PTPRT: variants seen among roughly 807,000 people sequenced by gnomAD.
PTPRT encodes the protein protein tyrosine phosphatase receptor type T.
In PTPRT, 56 loss-of-function variants were observed where a neutral mutation model predicts 176.8. The ratio of observed to expected loss-of-function variants is 0.32; its 90% CI spans 0.26 to 0.40. PTPRT has a LOEUF of 0.40. PTPRT is among the 10% of genes least tolerant of loss of function. PTPRT has a pLI of 1.00. For missense variants in PTPRT, 1,540 were observed against 1,908.2 expected (o/e 0.81, Z 3.60); for synonymous variants, 783 against 739.0 (o/e 1.06, Z -0.96).
rs77078037 is a variant in PTPRT at position 42,561,362 on chromosome 20, G to A, written c.1154-88800C>T. On this transcript the variant is annotated intron_variant, in intron 7 of 30. Coordinates refer to ENST00000373187, the MANE Select transcript of PTPRT (RefSeq NM_007050.6). ...CGGGACTCTAGAAGGCAGCAGGGAG[G>A]TGTGTTGGGTCTGAGTTGTTTCTGG... is the stretch of plus-strand genomic sequence containing the variant. 1.5e-4 allele frequency among the ~76,000 whole-genome samples: 23 copies of A among 152,318 alleles called. No individual in the cohort carries two copies. In the East Asian group the frequency reaches 4.3e-3, roughly 28 times the overall value.
chr20:42,298,773 T>C (rs1347256380), intron 12 of PTPRT, among the ~76,000 whole-genome samples: 2 of 151,992 alleles, frequency 1.3e-5, no homozygotes, highest in Non-Finnish European at 2.9e-5. Context: ...ATACAAAAAT[T>C]AGCTGGGCAT....
chr20:42,042,005 G>A, the PTPRT span, among the ~76,000 whole-genome samples: 1 of 152,120 alleles, frequency 6.6e-6, no homozygotes, highest in Non-Finnish European at 1.5e-5. Context: ...TTAGTGTCAA[G>A]CCTCATAGGC....
chr20:42,634,393 A>G lies in PTPRT; in HGVS notation c.1153+43473T>C, dbSNP rs536532696. Among the ~76,000 whole-genome samples the G allele has an allele frequency of 1.1e-4, 17 of 151,264 alleles. 1 individual carries two copies. In the South Asian group the frequency reaches 3.5e-3, roughly 31 times the overall value. Reference sequence around the variant, plus strand: ...GCTCCATGATAGAGATGACAGAGCTATAAGATGAAAGCAGCCCAAATCCCT... The same window carrying G: ...GCTCCATGATAGAGATGACAGAGCTGTAAGATGAAAGCAGCCCAAATCCCT... On this transcript the variant is annotated intron_variant, in intron 7 of 30. Coordinates refer to ENST00000373187, the MANE Select transcript of PTPRT (RefSeq NM_007050.6).
intron 11 of PTPRT, among the ~76,000 whole-genome samples, chr20:42,349,061 C>T (rs919329591): frequency 6.6e-6 from 1 of 152,154 alleles, no homozygotes; most frequent in South Asian, 2.1e-4. Flanking sequence ...TTGGTTCTGT[C>T]TATTTCAATG....
chr20:42,181,560 C>A (rs925219811), intron 16 of PTPRT, among the ~76,000 whole-genome samples: 1 of 152,172 alleles, frequency 6.6e-6, no homozygotes, highest in Non-Finnish European at 1.5e-5. Flanking sequence ...CTAAGAGTAA[C>A]CCTAGTCATC....
downstream of PTPRT, among the ~76,000 whole-genome samples, chr20:42,069,352 T>C (rs1479269454): frequency 6.6e-6 from 1 of 152,242 alleles, no homozygotes; most frequent in Non-Finnish European, 1.5e-5. Flanking sequence ...CAGGAATGTT[T>C]TTTAGTTATT....
At chr20:42,740,525 G>A (rs2076593381) in intron 6 of PTPRT, among the ~76,000 whole-genome samples, 1 of 152,236 alleles carries the variant, frequency 6.6e-6, no homozygotes, top group Admixed American at 6.5e-5. Flanking sequence ...ACAAGAGCAG[G>A]ACTATACGCA....
rs2074498885 is a variant in PTPRT, at chr20:42,633,982, ATATT to A, written c.1153+43880_1153+43883del. Among the ~76,000 whole-genome samples, 5 of 31,650 alleles carry A rather than the reference ATATT, an allele frequency of 1.6e-4. 1 individual carries two copies. Among genetic ancestry groups the A allele is most frequent in the African/African-American group, 6.7e-4 (4 of 5,958 alleles). 20.8% of individuals were successfully genotyped at this position (31,650 alleles called of 152,430 possible). A position where few individuals can be genotyped will look rare whatever the true frequency, so the allele number is the denominator to read the frequency against. Reference sequence around the variant, plus strand: ...TATATAATATATTATAATATATTATATATTATATTATATATATTATATATATATA... The same window carrying A: ...TATATAATATATTATAATATATTATAATATTATATATATTATATATATATA... On this transcript the variant is annotated intron_variant, in intron 7 of 30. Coordinates refer to ENST00000373187, the MANE Select transcript of PTPRT (RefSeq NM_007050.6).
chr20:42,486,942 C>T (rs2071473954), intron 7 of PTPRT, among the ~76,000 whole-genome samples: 1 of 152,092 alleles, frequency 6.6e-6, no homozygotes, highest in African/African-American at 2.4e-5. Context: ...ACTCGTCCCA[C>T]AGTTGGAAAG....
intron 7 of PTPRT, among the ~76,000 whole-genome samples, chr20:42,523,016 T>A (rs2072204627): frequency 6.6e-6 from 1 of 152,210 alleles, no homozygotes; most frequent in Non-Finnish European, 1.5e-5. Flanking sequence ...AATTTCATTG[T>A]TTATTCCTGG....
intron 3 of PTPRT, among the ~76,000 whole-genome samples, chr20:42,781,299 A>G (rs764550080): frequency 2.1e-4 from 32 of 152,052 alleles, no homozygotes; most frequent in African/African-American, 5.6e-4. Context: ...GCCTTCTCCA[A>G]TCCTGTACCT....
intron 6 of PTPRT, among the ~76,000 whole-genome samples, chr20:42,738,156 C>T (rs562982902): frequency 5.9e-5 from 9 of 152,188 alleles, no homozygotes; most frequent in Middle Eastern, 6.8e-3. Context: ...GCTTTTGAGC[C>T]GTAAAATTAT....
At chr20:42,081,022 T>C (rs2146086909) in intron 30 of PTPRT, 90 bp from the exon 31 acceptor site, 4 of 1,128,702 alleles carry the variant, frequency 3.5e-6, no homozygotes, top group East Asian at 2.5e-5. Context: ...AGTTTAGAGA[T>C]ACAGATTTTG....
intron 21 of PTPRT, among the ~76,000 whole-genome samples, chr20:42,116,742 G>A (rs1987303874): frequency 1.3e-5 from 2 of 152,278 alleles, no homozygotes; most frequent in Middle Eastern, 3.4e-3. Flanking sequence ...AGGAACATGG[G>A]CTCCTATGAT....
the PTPRT span, among the ~76,000 whole-genome samples, chr20:42,033,809 A>G: frequency 1.3e-5 from 2 of 152,180 alleles, no homozygotes; most frequent in South Asian, 4.1e-4. Context: ...ACTTGCCAGA[A>G]ATATTGGTTA....
At chr20:43,032,204 C>A (rs1051748735) in intron 1 of PTPRT, among the ~76,000 whole-genome samples, 2 of 152,106 alleles carry the variant, frequency 1.3e-5, no homozygotes, top group African/African-American at 4.8e-5. Flanking sequence ...TCTTCCTGGA[C>A]CTGCATCAAC....
chr20:42,169,503 A>G (rs896251975), intron 16 of PTPRT, among the ~76,000 whole-genome samples: 3 of 152,110 alleles, frequency 2.0e-5, no homozygotes, highest in African/African-American at 7.2e-5. Flanking sequence ...GAATTATAGC[A>G]GCATCACACA....
chr20:42,146,074 C>T (rs1220108375), intron 17 of PTPRT, among the ~76,000 whole-genome samples: 1 of 152,168 alleles, frequency 6.6e-6, no homozygotes, highest in East Asian at 1.9e-4. Flanking sequence ...TTTAGGCCAT[C>T]TCTAGGTGGA....
chr20:42,219,226 G>A (rs554943431), intron 15 of PTPRT, among the ~76,000 whole-genome samples: 5 of 152,300 alleles, frequency 3.3e-5, no homozygotes, highest in East Asian at 1.9e-4. Flanking sequence ...ATAAACTGCC[G>A]CTGATGGAAA....
Sources: allele counts gnomAD v4.1 joint callset (sites outside exome capture counted in the v4.1 genomes callset), GRCh38; gene constraint gnomAD v4.1.1; transcripts MANE v1.5; gene names NCBI Gene and HGNC (gene_info 2026-07-23, HGNC 2026-07-21).